Variants in CATSPERB observed in about 807,000 individuals in gnomAD.
The protein encoded by CATSPERB is cation channel sperm-associated auxiliary subunit beta.
A neutral mutation model predicts 128.3 loss-of-function variants in CATSPERB; 93 were observed. The ratio of observed to expected loss-of-function variants is 0.72; its 90% CI spans 0.61 to 0.86. CATSPERB has a LOEUF of 0.86. Ranked by LOEUF, CATSPERB falls within the 40% of genes least tolerant of loss-of-function variation. The pLI, the probability that CATSPERB is intolerant of heterozygous loss-of-function variation, is 0.00. For missense variants in CATSPERB, 1,153 were observed against 1,329.5 expected (o/e 0.87, Z 2.06); for synonymous variants, 381 against 448.8 (o/e 0.85, Z 1.91).
chr14:91,604,492 T>C, intron 22 of CATSPERB: 1 of 1,598,722 alleles, frequency 6.3e-7, no homozygotes, highest in Non-Finnish European at 8.5e-7. Flanking sequence ...TCTGCTGTAT[T>C]ACATTATGGC....
At chr14:91,588,138 G>A in intron 24 of CATSPERB, 60 bp from the exon 25 acceptor site, 1 of 1,062,026 alleles carries the variant, frequency 9.4e-7, no homozygotes, top group South Asian at 1.4e-5. Flanking sequence ...TATTAGGTTG[G>A]TGCAAAAGTA....
intron 20 of CATSPERB, among the ~76,000 whole-genome samples, chr14:91,616,743 T>C (rs1295878929): frequency 4.9e-5 from 7 of 142,316 alleles, no homozygotes; most frequent in African/African-American, 1.0e-4. Flanking sequence ...CTTTTTTTTT[T>C]TTTTTTTTTT....
At chr14:91,684,950 G>C (rs1334126057) in intron 10 of CATSPERB, among the ~76,000 whole-genome samples, 1 of 151,792 alleles carries the variant, frequency 6.6e-6, no homozygotes, top group Admixed American at 6.6e-5. Flanking sequence ...GATTGATATG[G>C]GGTCCTGGCT....
intron 20 of CATSPERB, among the ~76,000 whole-genome samples, chr14:91,611,485 C>T (rs1213174466): frequency 1.3e-5 from 2 of 152,130 alleles, no homozygotes; most frequent in Non-Finnish European, 2.9e-5. Context: ...TGGCATATGC[C>T]TGTAGTCCCA....
chr14:91,684,541 G>T (rs892650471), intron 10 of CATSPERB, among the ~76,000 whole-genome samples: 3 of 150,790 alleles, frequency 2.0e-5, no homozygotes, highest in African/African-American at 7.3e-5. Context: ...AAATCTGTAT[G>T]ATCTGTGTGC....
rs201121873 is a variant in CATSPERB at position 91,664,038 on chromosome 14, C to T, written c.1288-4057G>A. ...AGACAAACGTGTAATGGCATGTATC[C>T]ACCATTATAGTATCAGACAGAAGAG... On this transcript the variant is annotated intron_variant, in intron 14 of 26. Transcript: ENST00000256343. 7.9e-5 allele frequency among the ~76,000 whole-genome samples: 12 copies of T among 152,130 alleles called. No individual in the cohort carries two copies. The East Asian group carries it at 2.3e-3, about 29-fold the overall frequency.
At chr14:91,590,678 A>C (rs1893382234) in intron 23 of CATSPERB, among the ~76,000 whole-genome samples, 1 of 151,152 alleles carries the variant, frequency 6.6e-6, no homozygotes, top group Non-Finnish European at 1.5e-5. Flanking sequence ...TTTGAGATAG[A>C]GTCTTGCTCT....
chr14:91,611,479 A>C (rs1036966463), intron 20 of CATSPERB, among the ~76,000 whole-genome samples: 1 of 152,082 alleles, frequency 6.6e-6, no homozygotes, highest in East Asian at 1.9e-4. Flanking sequence ...ACGTGGTGGC[A>C]TATGCCTGTA....
chr14:91,703,874 C>T (rs1229292317), intron 7 of CATSPERB, among the ~76,000 whole-genome samples: 1 of 152,078 alleles, frequency 6.6e-6, no homozygotes, highest in Non-Finnish European at 1.5e-5. Flanking sequence ...GTGGGACCTC[C>T]CCAAATTATA....
chr14:91,581,067 G>C lies in CATSPERB; in HGVS notation c.3173C>G (p.Thr1058Arg). ...TACCGCTGTTGCCACGGCAATAAGC[G>C]TGTGTCCTGGGAATGGCAATGGTGC... The part of the protein sequence containing the change: ...DEAPLPFPGH[T>R]LIAVATAVVL... Residue 1058 changes from threonine to arginine, a missense_variant, in exon 27 of 27, where the codon ACG becomes AGG. Transcript: ENST00000256343. 6.2e-7 allele frequency: 1 copy of C among 1,614,168 alleles called. No individual in the cohort carries two copies. Among genetic ancestry groups the C allele is most frequent in the Non-Finnish European group, 8.5e-7 (1 of 1,179,998 alleles).
At chr14:91,725,045 G>T in intron 3 of CATSPERB, 35 bp downstream of exon 3, 1 of 1,071,106 alleles carries the variant, frequency 9.3e-7, no homozygotes, top group Non-Finnish European at 1.3e-6. Context: ...AAAGGAACGT[G>T]AAGGGTTATA....
chr14:91,719,452 A>G lies in CATSPERB; in HGVS notation c.336T>C (p.Val112=). The G allele has an allele frequency of 1.2e-6, 2 of 1,612,020 alleles. No individual in the cohort carries two copies. Among genetic ancestry groups the G allele is most frequent in the Non-Finnish European group, 1.7e-6 (2 of 1,178,946 alleles). Residue 112 remains valine (V), a synonymous_variant, in exon 5 of 27, where the codon GTT becomes GTC. Coordinates refer to ENST00000256343, the MANE Select transcript of CATSPERB (RefSeq NM_024764.4). ...GTGTGATGTTTTCTCTAGGAATATC[A>G]ACCAACCACAAAATCCGATCACTGA... The part of the protein sequence containing the change: ...TLFSDRILWL[V]DIPRENITQS...
chr14:91,612,027 T>TCTTTCTTC (rs1013756966), intron 20 of CATSPERB, among the ~76,000 whole-genome samples: 3 of 91,044 alleles, frequency 3.3e-5, no homozygotes, highest in Non-Finnish European at 4.8e-5. Flanking sequence ...TTTCTTTCTT[T>TCTTTCTTC]CTTTCTTTCT....
intron 20 of CATSPERB, among the ~76,000 whole-genome samples, chr14:91,614,971 T>C (rs763194442): frequency 1.3e-5 from 2 of 152,196 alleles, no homozygotes; most frequent in African/African-American, 2.4e-5. Context: ...TGAGAACATT[T>C]AGAATTTACT....
Position 91,588,032 on chromosome 14 carries a change from T to G in CATSPERB, c.3003A>C (p.Glu1001Asp). The G allele has an allele frequency of 6.2e-7, 1 of 1,612,432 alleles. No homozygotes were observed. The highest frequency in any genetic ancestry group is 8.5e-7 in the Non-Finnish European group (1 of 1,178,856). ...ENIKRMKQLV[E>D]PILGAAVYNP... Reference sequence around the variant, plus strand: ...TATACACTGCAGCACCAAGAATTGGTTCTACTAATTGTTTCATTCTTTTAA... The same window carrying G: ...TATACACTGCAGCACCAAGAATTGGGTCTACTAATTGTTTCATTCTTTTAA... The change falls in exon 25 of 27, where the codon GAA becomes GAC. Residue 1001 changes from glutamate (E) to aspartate (D), a missense_variant. Transcript: ENST00000256343.
chr14:91,590,727 T>A (rs1283987636), intron 23 of CATSPERB, among the ~76,000 whole-genome samples: 1 of 151,804 alleles, frequency 6.6e-6, no homozygotes, highest in Non-Finnish European at 1.5e-5. Context: ...CTCAGCTCAC[T>A]GCAAGCTCCA....
At chr14:91,631,587 C>T (rs1202162126) in intron 17 of CATSPERB, among the ~76,000 whole-genome samples, 1 of 152,048 alleles carries the variant, frequency 6.6e-6, no homozygotes, top group African/African-American at 2.4e-5. Flanking sequence ...ATCGCTTGAA[C>T]CCAGGAGGCG....
intron 3 of CATSPERB, 60 bp from the exon 4 acceptor site, chr14:91,723,249 T>C (rs1181470244): frequency 2.3e-5 from 29 of 1,277,430 alleles, no homozygotes; most frequent in Non-Finnish European, 3.1e-6. Context: ...ACACACAAGT[T>C]AGTTAATCTA....
chr14:91,668,283 A>C (rs1455269601), intron 14 of CATSPERB, among the ~76,000 whole-genome samples: 1 of 149,536 alleles, frequency 6.7e-6, no homozygotes, highest in African/African-American at 2.4e-5. Flanking sequence ...CTCTGTGTCT[A>C]GCTAAAGGTT....
Sources: allele counts gnomAD v4.1 joint callset (sites outside exome capture counted in the v4.1 genomes callset), GRCh38; gene constraint gnomAD v4.1.1; transcripts MANE v1.5; gene names NCBI Gene and HGNC (gene_info 2026-07-23, HGNC 2026-07-21).